The following GTF2F2 variants were observed in gnomAD, a reference collection of about 807,000 sequenced individuals.
GTF2F2 encodes ATP-dependent helicase GTF2F2.
Under a neutral mutation model 42.2 loss-of-function variants are expected in GTF2F2, and 23 were observed. The ratio of observed to expected loss-of-function variants is 0.55; its 90% CI spans 0.39 to 0.77. The LOEUF is 0.77. GTF2F2 is among the 30% of genes least tolerant of loss of function. The pLI, the probability that GTF2F2 is intolerant of heterozygous loss-of-function variation, is 0.00. For synonymous variants in GTF2F2, 105 were observed against 100.8 expected (o/e 1.04, Z -0.25); for missense variants, 261 against 287.2 (o/e 0.91, Z 0.66).
chr13:45,282,130 G>A (rs1157549889), intron 7 of GTF2F2, among the ~76,000 whole-genome samples: 5 of 152,144 alleles, frequency 3.3e-5, no homozygotes, highest in East Asian at 3.9e-4. Flanking sequence ...CCTGGGAGGC[G>A]GAGGTTGCAG....
chr13:45,159,769 G>A (rs555093662), intron 4 of GTF2F2, among the ~76,000 whole-genome samples: 1 of 152,272 alleles, frequency 6.6e-6, no homozygotes, highest in Non-Finnish European at 1.5e-5. Flanking sequence ...CACCATGCCT[G>A]GCCATGTTTT....
chr13:45,178,281 A>G (rs1593473457), intron 4 of GTF2F2, among the ~76,000 whole-genome samples: 1 of 151,840 alleles, frequency 6.6e-6, no homozygotes, highest in South Asian at 2.1e-4. Flanking sequence ...CAACTCACTA[A>G]TGGTTTCTTC....
chr13:45,186,276 A>ATTT (rs1292377624), intron 4 of GTF2F2, among the ~76,000 whole-genome samples: 81 of 133,532 alleles, frequency 6.1e-4, no homozygotes, highest in African/African-American at 2.1e-3. Flanking sequence ...CACCTGGCCT[A>ATTT]TTTTTTTTTT....
At chr13:45,264,410 T>C (rs1418721982) in intron 6 of GTF2F2, among the ~76,000 whole-genome samples, 1 of 152,122 alleles carries the variant, frequency 6.6e-6, no homozygotes, top group Non-Finnish European at 1.5e-5. Context: ...GCCTCCCTAG[T>C]AGCTGGAGAT....
intron 2 of GTF2F2, among the ~76,000 whole-genome samples, chr13:45,140,953 T>G (rs569349110): frequency 1.4e-4 from 21 of 152,358 alleles, no homozygotes; most frequent in African/African-American, 4.1e-4. Context: ...CTTTGGGCCT[T>G]ACACTTCTTG....
intron 4 of GTF2F2, among the ~76,000 whole-genome samples, chr13:45,199,459 G>A (rs1312995249): frequency 1.3e-5 from 2 of 152,126 alleles, no homozygotes; most frequent in Admixed American, 1.3e-4. Context: ...GTATTTCAGG[G>A]AAACCTGTGT....
chr13:45,201,969 G>A (rs9316123), intron 4 of GTF2F2, among the ~76,000 whole-genome samples: 26,084 of 151,962 alleles, frequency 0.17, 2,572 homozygotes, highest in Non-Finnish European at 0.22. Context: ...GCACAAGAGC[G>A]AGCAAGCACA....
At chr13:45,147,939 A>G (rs762714219) in intron 2 of GTF2F2, among the ~76,000 whole-genome samples, 1 of 152,194 alleles carries the variant, frequency 6.6e-6, no homozygotes, top group Non-Finnish European at 1.5e-5. Context: ...CCTTTGCCAT[A>G]AAGTTTTTGT....
chr13:45,239,700 G>A (rs1246930888), intron 5 of GTF2F2, among the ~76,000 whole-genome samples: 1 of 152,180 alleles, frequency 6.6e-6, no homozygotes. Flanking sequence ...ACCCAAAACT[G>A]TAAGCTGCCG....
chr13:45,203,326 C>A (rs891420760), intron 4 of GTF2F2, among the ~76,000 whole-genome samples: 3 of 151,060 alleles, frequency 2.0e-5, no homozygotes, highest in African/African-American at 7.3e-5. Context: ...CTCAAGTGAT[C>A]TGCCCTCCTC....
At chr13:45,279,475 G>A (rs1246126693) in intron 7 of GTF2F2, among the ~76,000 whole-genome samples, 1 of 152,098 alleles carries the variant, frequency 6.6e-6, no homozygotes, top group Non-Finnish European at 1.5e-5. Context: ...GAATTTGAAT[G>A]GTCTATTTTT....
chr13:45,216,951 G>A (rs945817827), intron 5 of GTF2F2, among the ~76,000 whole-genome samples: 1 of 152,118 alleles, frequency 6.6e-6, no homozygotes, highest in Admixed American at 6.5e-5. Context: ...TTCCCCAAGT[G>A]CATCAAGTGC....
Position 45,162,570 on chromosome 13 carries a change from TA to T in GTF2F2, c.304+10742del, listed in dbSNP as rs1317105051. Among the ~76,000 whole-genome samples the T allele has an allele frequency of 2.6e-5, 4 of 152,346 alleles. No individual in the cohort carries two copies. In the East Asian group the frequency reaches 7.7e-4, roughly 29 times the overall value. ...GAGCCAGGTCTGCTCTCTGAAAAGT[TA>T]AACCTAATAGCAGAAAATGTTCCTT... is the stretch of plus-strand genomic sequence containing the variant. On this transcript the variant is annotated intron_variant, in intron 4 of 7. Coordinates refer to ENST00000340473, the MANE Select transcript of GTF2F2 (RefSeq NM_004128.3).
At chr13:45,265,530 T>C (rs1037654456) in intron 6 of GTF2F2, among the ~76,000 whole-genome samples, 10 of 152,218 alleles carry the variant, frequency 6.6e-5, no homozygotes, top group Non-Finnish European at 1.2e-4. Flanking sequence ...TCAGTGGAGT[T>C]TGAGTTTTAC....
intron 4 of GTF2F2, among the ~76,000 whole-genome samples, chr13:45,154,690 A>G (rs557260681): frequency 6.6e-6 from 1 of 152,306 alleles, no homozygotes; most frequent in South Asian, 2.1e-4. Context: ...ATTTATATAT[A>G]AATATGAATA....
At chr13:45,262,072 A>G (rs1462339557) in intron 6 of GTF2F2, among the ~76,000 whole-genome samples, 2 of 149,368 alleles carry the variant, frequency 1.3e-5, no homozygotes, top group Non-Finnish European at 3.0e-5. Flanking sequence ...AGACATTATC[A>G]AAAAAAAAAA....
At chr13:45,230,732 C>G (rs1874632807) in intron 5 of GTF2F2, among the ~76,000 whole-genome samples, 1 of 152,142 alleles carries the variant, frequency 6.6e-6, no homozygotes. Flanking sequence ...TTACTTTGAA[C>G]TAGGGTTTTT....
intron 4 of GTF2F2, among the ~76,000 whole-genome samples, chr13:45,203,241 T>G (rs1254414410): frequency 8.0e-6 from 1 of 124,844 alleles, no homozygotes; most frequent in Non-Finnish European, 1.6e-5. Context: ...CACGCCCACC[T>G]TTTTTTTTTT....
At chr13:45,165,806 C>CTTTTTTTTT (rs5803286) in intron 4 of GTF2F2, among the ~76,000 whole-genome samples, 1 of 88,900 alleles carries the variant, frequency 1.1e-5, no homozygotes, top group African/African-American at 5.0e-5. Context: ...TCAGTACATT[C>CTTTTTTTTT]TTTTTTTTTT....
Sources: allele counts gnomAD v4.1 joint callset (sites outside exome capture counted in the v4.1 genomes callset), GRCh38; gene constraint gnomAD v4.1.1; transcripts MANE v1.5; gene names NCBI Gene and HGNC (gene_info 2026-07-23, HGNC 2026-07-21).